The following ANO6 variants were observed in gnomAD, a reference collection of about 807,000 sequenced individuals.
ANO6 encodes the protein anoctamin-6.
ANO6 carries 106 observed loss-of-function variants against 117.5 expected under a neutral mutation model. The ratio of observed to expected loss-of-function variants is 0.90; its 90% CI spans 0.77 to 1.06. ANO6 has a LOEUF of 1.06. Among genes scored for constraint, ANO6 ranks in the 50% least tolerant of loss-of-function variants. The probability of loss-of-function intolerance (pLI) is 0.00; values close to 1 mark genes in which losing one functional copy is unlikely to be tolerated. For synonymous variants in ANO6, 367 were observed against 385.1 expected, an observed-to-expected ratio of 0.95 and a Z score of 0.55; for missense variants, 955 against 1,121.1, an observed-to-expected ratio of 0.85 and a Z score of 2.12.
At chr12:45,388,040 A>AGTTC in intron 10 of ANO6, 121 bp from the exon 11 acceptor site, 1 of 1,277,002 alleles carries the variant, frequency 7.8e-7, no homozygotes. Flanking sequence ...CAGTCCAGGT[A>AGTTC]GTTCTTTATA....
At chr12:45,281,686 C>T (rs550121796) in intron 1 of ANO6, among the ~76,000 whole-genome samples, 6 of 152,268 alleles carry the variant, frequency 3.9e-5, no homozygotes, top group South Asian at 4.1e-4. Flanking sequence ...ATCCAACATT[C>T]GGGATTACAT....
At chr12:45,409,948 G>T (rs1943044132) in intron 16 of ANO6, among the ~76,000 whole-genome samples, 1 of 152,106 alleles carries the variant, frequency 6.6e-6, no homozygotes, top group Admixed American at 6.5e-5. Context: ...TACTGACAGG[G>T]TTTCACCATG....
intron 9 of ANO6, among the ~76,000 whole-genome samples, chr12:45,377,210 T>C (rs1167478931): frequency 1.3e-5 from 2 of 151,996 alleles, no homozygotes; most frequent in Admixed American, 6.6e-5. Flanking sequence ...TGTCATAAAG[T>C]AGATATAATA....
intron 1 of ANO6, among the ~76,000 whole-genome samples, chr12:45,288,937 G>A (rs1234466674): frequency 6.6e-6 from 1 of 151,108 alleles, no homozygotes; most frequent in Non-Finnish European, 1.5e-5. Flanking sequence ...TTTTTTAGTA[G>A]AGACAGGGTT....
At chr12:45,282,664 A>G (rs1314909211) in intron 1 of ANO6, among the ~76,000 whole-genome samples, 2 of 152,200 alleles carry the variant, frequency 1.3e-5, no homozygotes, top group African/African-American at 4.8e-5. Context: ...CAGTAGTAGT[A>G]AGGACTATGT....
intron 1 of ANO6, among the ~76,000 whole-genome samples, chr12:45,239,680 A>C (rs1249992933): frequency 6.6e-6 from 1 of 152,176 alleles, no homozygotes; most frequent in African/African-American, 2.4e-5. Flanking sequence ...TCTTGTGGGC[A>C]TTTAGTGCTA....
chr12:45,251,902 T>A (rs910729760), intron 1 of ANO6, among the ~76,000 whole-genome samples: 1 of 152,198 alleles, frequency 6.6e-6, no homozygotes, highest in Non-Finnish European at 1.5e-5. Flanking sequence ...ATACTGATGA[T>A]CAAAAATAAC....
chr12:45,221,060 G>T (rs530680819), intron 1 of ANO6, among the ~76,000 whole-genome samples: 26 of 110,248 alleles, frequency 2.4e-4, no homozygotes, highest in Admixed American at 1.5e-3. Flanking sequence ...TGTCGGAAGT[G>T]GGGGGGGGCA....
Position 45,292,616 on chromosome 12 carries a change from A to G in ANO6, c.71-9398A>G. The G allele has an allele frequency of 3.6e-6, 4 of 1,116,114 alleles. 1 individual carries two copies. Among genetic ancestry groups the G allele is most frequent in the African/African-American group, 3.2e-5 (2 of 61,798 alleles). 69.1% of individuals were successfully genotyped at this position (1,116,114 alleles called of 1,614,324 possible). On this transcript the variant is annotated intron_variant, in intron 1 of 19. Coordinates refer to ENST00000320560, the MANE Select transcript of ANO6 (RefSeq NM_001025356.3). Reference sequence around the variant, plus strand: ...GTTGTGTGTGAGAATCAGTAATGTGATAGTTGTTTCCAGCTCTTCCAAAGG... The same window carrying G: ...GTTGTGTGTGAGAATCAGTAATGTGGTAGTTGTTTCCAGCTCTTCCAAAGG...
chr12:45,329,870 T>C (rs184566955), intron 2 of ANO6, among the ~76,000 whole-genome samples: 112 of 152,256 alleles, frequency 7.4e-4, no homozygotes, highest in African/African-American at 2.6e-3. Context: ...AAGGACTCTG[T>C]GGCTGAAATG....
chr12:45,287,946 A>T (rs1045544215), intron 1 of ANO6, among the ~76,000 whole-genome samples: 2 of 152,182 alleles, frequency 1.3e-5, no homozygotes, highest in South Asian at 2.1e-4. Context: ...TTAAAATTAT[A>T]TACCCTTTAG....
intron 10 of ANO6, among the ~76,000 whole-genome samples, chr12:45,378,909 A>G (rs1292930570): frequency 6.6e-6 from 1 of 152,222 alleles, no homozygotes; most frequent in African/African-American, 2.4e-5. Flanking sequence ...TAGAACAGAT[A>G]TAATTCTACA....
chr12:45,222,321 C>T (rs530164061), intron 1 of ANO6, among the ~76,000 whole-genome samples: 5 of 152,004 alleles, frequency 3.3e-5, no homozygotes, highest in African/African-American at 7.3e-5. Context: ...CCACTGTGCC[C>T]GGCTAATTTT....
chr12:45,243,984 G>T (rs1246024260), intron 1 of ANO6, among the ~76,000 whole-genome samples: 1 of 152,188 alleles, frequency 6.6e-6, no homozygotes, highest in Admixed American at 6.5e-5. Flanking sequence ...ATTTTCTCAT[G>T]GTAACAGTGT....
At chr12:45,429,032 A>G (rs1248389416) in intron 19 of ANO6, 73 bp from the exon 20 acceptor site, 18 of 1,557,224 alleles carry the variant, frequency 1.2e-5, no homozygotes, top group Non-Finnish European at 1.5e-5. Context: ...CATAATGACA[A>G]GCAAGAATGA....
In ANO6 at chr12:45,274,906, C is replaced by A. The variant is rs148812469; in HGVS notation, c.71-27108C>A. 1.2e-3 allele frequency among the ~76,000 whole-genome samples: 181 copies of A among 150,088 alleles called. 1 individual carries two copies. The highest frequency in any genetic ancestry group is 4.3e-3 in the African/African-American group (176 of 40,624). On this transcript the variant is annotated intron_variant, in intron 1 of 19. Coordinates refer to ENST00000320560, the MANE Select transcript of ANO6 (RefSeq NM_001025356.3). ...GAATGTCACCTACTCAGAGCTGTCA[C>A]CCCTGACTTATCTATCTAAAATGTC...
intron 1 of ANO6, among the ~76,000 whole-genome samples, chr12:45,291,501 A>T (rs1939100047): frequency 6.6e-6 from 1 of 152,138 alleles, no homozygotes; most frequent in Non-Finnish European, 1.5e-5. Context: ...GCATCAAGGG[A>T]TATTAAAAAA....
chr12:45,347,250 C>A, intron 4 of ANO6, 163 bp downstream of exon 4: 1 of 645,908 alleles, frequency 1.5e-6, no homozygotes, highest in South Asian at 2.0e-5. Flanking sequence ...AGGATGTATT[C>A]TTTTTTTCTG....
chr12:45,274,709 CCTCTT>C (rs919201345), intron 1 of ANO6, among the ~76,000 whole-genome samples: 1 of 151,470 alleles, frequency 6.6e-6, no homozygotes, highest in African/African-American at 2.4e-5. Flanking sequence ...ACCTCTCCAT[CCTCTT>C]CTCTTCCTGC....
Sources: gnomAD v4.1 joint callset for allele counts (sites outside exome capture counted in the v4.1 genomes callset) on GRCh38, gnomAD v4.1.1 for gene constraint, MANE v1.5 for transcripts, NCBI Gene and HGNC (gene_info 2026-07-23, HGNC 2026-07-21) for gene names.